ATP2B2: variants seen among roughly 807,000 people sequenced by gnomAD.
ATP2B2 encodes plasma membrane calcium-transporting ATPase 2.
ATP2B2 carries 15 observed loss-of-function variants against 120.0 expected under a neutral mutation model. The ratio of observed to expected loss-of-function variants is 0.12; its 90% CI spans 0.08 to 0.19. The LOEUF is 0.19. Ranked by LOEUF, ATP2B2 falls within the 10% of genes least tolerant of loss-of-function variation. The probability of loss-of-function intolerance (pLI) is 1.00; values close to 1 mark genes in which losing one functional copy is unlikely to be tolerated. For synonymous variants in ATP2B2, 694 were observed against 700.3 expected (o/e 0.99, Z 0.14); for missense variants, 1,045 against 1,719.8 (o/e 0.61, Z 6.94).
chr3:10,699,051 C>T (rs939448669), intron 1 of ATP2B2, among the ~76,000 whole-genome samples: 1 of 152,224 alleles, frequency 6.6e-6, no homozygotes, highest in African/African-American at 2.4e-5. Context: ...CTGGTTCCCT[C>T]CGGCCTTCCA....
At chr3:10,633,843 C>T (rs2069943093) in intron 1 of ATP2B2, among the ~76,000 whole-genome samples, 1 of 152,186 alleles carries the variant, frequency 6.6e-6, no homozygotes, top group Non-Finnish European at 1.5e-5. Context: ...TATTCTCCTC[C>T]CCATTCTCCA....
intron 1 of ATP2B2, among the ~76,000 whole-genome samples, chr3:10,620,330 TC>T (rs1392408041): frequency 1.3e-5 from 2 of 152,172 alleles, no homozygotes; most frequent in Non-Finnish European, 2.9e-5. Flanking sequence ...GCTGGGCTTG[TC>T]CCTTAGAGAA....
chr3:10,521,241 C>G (rs151309836), intron 3 of ATP2B2, among the ~76,000 whole-genome samples: 2,711 of 152,344 alleles, frequency 0.018, 39 homozygotes, highest in Admixed American at 0.036. Flanking sequence ...CAAATCCTCA[C>G]AGGGAAGCAG....
intron 1 of ATP2B2, among the ~76,000 whole-genome samples, chr3:10,627,882 T>TA (rs1352213680): frequency 6.6e-6 from 1 of 152,022 alleles, no homozygotes; most frequent in Non-Finnish European, 1.5e-5. Context: ...ATAGGTTCTG[T>TA]AAAAAAGGTG....
At chr3:10,619,105 G>A (rs2069476998) in intron 2 of ATP2B2, among the ~76,000 whole-genome samples, 1 of 152,172 alleles carries the variant, frequency 6.6e-6, no homozygotes, top group Non-Finnish European at 1.5e-5. Flanking sequence ...ACTGGCAGGG[G>A]ATCCTCTGTG....
At chr3:10,649,252 T>A (rs189056253) in intron 1 of ATP2B2, among the ~76,000 whole-genome samples, 1 of 152,334 alleles carries the variant, frequency 6.6e-6, no homozygotes, top group East Asian at 1.9e-4. Flanking sequence ...GTTCTGTCCT[T>A]CAGTCATACT....
intron 2 of ATP2B2, among the ~76,000 whole-genome samples, chr3:10,440,292 G>GAATT (rs1402045380): frequency 6.6e-6 from 1 of 152,020 alleles, no homozygotes; most frequent in African/African-American, 2.4e-5. Context: ...TGCATTCAGT[G>GAATT]AATTCACTGG....
intron 1 of ATP2B2, among the ~76,000 whole-genome samples, chr3:10,476,882 C>T (rs763068084): frequency 1.1e-4 from 16 of 152,154 alleles, no homozygotes; most frequent in Admixed American, 2.6e-4. Flanking sequence ...AGGGTCTATG[C>T]CACACCCTGG....
chr3:10,344,218 C>T (rs2125387090), intron 18 of ATP2B2, among the ~76,000 whole-genome samples: 1 of 152,274 alleles, frequency 6.6e-6, no homozygotes, highest in African/African-American at 2.4e-5. Context: ...CAATCAAAGA[C>T]CTCAGGCAAA....
chr3:10,398,970 G>A lies in ATP2B2; in HGVS notation c.781+1983C>T, dbSNP rs1449776746. On this transcript the variant is annotated intron_variant, in intron 5 of 22. Coordinates refer to ENST00000360273, the MANE Select transcript of ATP2B2 (RefSeq NM_001001331.4). ...GGCTTCCCATCCATCTCTGCCCGTC[G>A]TATCTTTTCCAGGGTCTCTCTGCAC... Among the ~76,000 whole-genome samples the A allele has an allele frequency of 5.3e-5, 8 of 152,108 alleles. No homozygotes were observed. In the South Asian group the frequency reaches 6.2e-4, roughly 12 times the overall value.
chr3:10,409,489 C>T (rs1003798165), intron 3 of ATP2B2, among the ~76,000 whole-genome samples: 2 of 152,148 alleles, frequency 1.3e-5, no homozygotes, highest in African/African-American at 4.8e-5. Context: ...ATTTAAATCT[C>T]AATCATGGCA....
chr3:10,348,377 G>T (rs1342627583), intron 16 of ATP2B2, among the ~76,000 whole-genome samples: 1 of 152,186 alleles, frequency 6.6e-6, no homozygotes, highest in African/African-American at 2.4e-5. Flanking sequence ...GCTCTGCACT[G>T]CAGGGTAAGT....
Position 10,340,238 on chromosome 3 carries a change from T to C in ATP2B2, c.3237+4A>G. ...GCACCTCCTGCGACCTACCAGGAACTTACCTGGCCCCAAACGAGCTCTCCT... is the reference window on the plus strand; with the variant it reads ...GCACCTCCTGCGACCTACCAGGAACCTACCTGGCCCCAAACGAGCTCTCCT... On this transcript the variant is annotated splice_donor_region_variant and intron_variant, in intron 21 of 22. Transcript: ENST00000360273. The surrounding 1 kb of genome is among the most constrained non-coding windows in gnomAD (Gnocchi z 5.0). 1 of 1,613,862 alleles carries C rather than the reference T, an allele frequency of 6.2e-7. No homozygotes were observed.
At chr3:10,475,233 C>A (rs532873307) in intron 1 of ATP2B2, among the ~76,000 whole-genome samples, 2 of 152,370 alleles carry the variant, frequency 1.3e-5, no homozygotes, top group East Asian at 3.9e-4. Flanking sequence ...TCTTTCTTCA[C>A]TACTGCTCTG....
intron 1 of ATP2B2, among the ~76,000 whole-genome samples, chr3:10,675,871 A>G (rs1332313452): frequency 6.6e-6 from 1 of 152,012 alleles, no homozygotes; most frequent in Non-Finnish European, 1.5e-5. Context: ...ACAATCTCCT[A>G]TTCATCTTCC....
intron 1 of ATP2B2, among the ~76,000 whole-genome samples, chr3:10,492,733 C>G (rs2065980898): frequency 6.6e-6 from 1 of 152,196 alleles, no homozygotes; most frequent in Admixed American, 6.5e-5. Flanking sequence ...GCAGGTGGAT[C>G]AAGGCGGGGG....
At position 10,447,204 on chromosome 3, in the gene ATP2B2, C is replaced by T. The variant is rs75520761; in HGVS notation, c.199+2141G>A. On this transcript the variant is annotated intron_variant, in intron 2 of 22. Coordinates refer to ENST00000360273, the MANE Select transcript of ATP2B2 (RefSeq NM_001001331.4). ...TAGTAGCTGTGTCTCAGGGTTTTACCGGGTCCTCATCTGTGCCAGGCATGA... is the reference window on the plus strand; with the variant it reads ...TAGTAGCTGTGTCTCAGGGTTTTACTGGGTCCTCATCTGTGCCAGGCATGA... Among the ~76,000 whole-genome samples, 319 of 152,314 alleles carry T rather than the reference C, an allele frequency of 2.1e-3. 4 individuals carry two copies. Among genetic ancestry groups the T allele is most frequent in the African/African-American group, 6.6e-3 (274 of 41,574 alleles).
intron 5 of ATP2B2, among the ~76,000 whole-genome samples, chr3:10,398,769 C>A (rs933900998): frequency 1.3e-5 from 2 of 152,190 alleles, no homozygotes; most frequent in Admixed American, 1.3e-4. Flanking sequence ...CAGAGAGCTC[C>A]CCAAGCTCCC....
chr3:10,489,144 C>T (rs2065841748), intron 1 of ATP2B2, among the ~76,000 whole-genome samples: 1 of 152,258 alleles, frequency 6.6e-6, no homozygotes, highest in African/African-American at 2.4e-5. Context: ...ATGAGGCTCC[C>T]TCAGGTCTCT....
Sources: gnomAD v4.1 joint callset for allele counts (sites outside exome capture counted in the v4.1 genomes callset) on GRCh38, gnomAD v4.1.1 for gene constraint, Gnocchi (gnomAD v3.1) non-coding constraint, MANE v1.5 for transcripts, NCBI Gene and HGNC (gene_info 2026-07-23, HGNC 2026-07-21) for gene names.